The following MCTP2 variants were observed in gnomAD, a reference collection of about 807,000 sequenced individuals.
MCTP2 encodes multiple C2 and transmembrane domain-containing protein 2.
MCTP2 carries 132 observed loss-of-function variants against 111.6 expected under a neutral mutation model. The observed-to-expected ratio is 1.18, with a 90% CI of 1.03 to 1.37. The LOEUF (loss-of-function observed/expected upper bound fraction) is 1.37. Among genes scored for constraint, MCTP2 ranks in the 40% most tolerant of loss-of-function variants. MCTP2 has a pLI of 0.00. For missense variants in MCTP2, 1,183 were observed against 1,067.9 expected, an observed-to-expected ratio of 1.11 and a Z score of -1.50; for synonymous variants, 395 against 387.7, an observed-to-expected ratio of 1.02 and a Z score of -0.22.
chr15:94,256,841 TCTC>T (rs576947406), intron 1 of MCTP2, among the ~76,000 whole-genome samples: 421 of 152,178 alleles, frequency 2.8e-3, no homozygotes, highest in Admixed American at 6.5e-3. Context: ...CTTTGATACT[TCTC>T]CTTCCTTCCA....
chr15:94,411,040 C>T (rs2082130378), intron 17 of MCTP2, among the ~76,000 whole-genome samples: 1 of 152,176 alleles, frequency 6.6e-6, no homozygotes, highest in South Asian at 2.1e-4. Flanking sequence ...CCATCACAGC[C>T]CCTGAATCTG....
chr15:94,437,311 A>G (rs139614830), intron 17 of MCTP2, among the ~76,000 whole-genome samples: 2 of 152,134 alleles, frequency 1.3e-5, no homozygotes, highest in East Asian at 3.9e-4. Flanking sequence ...TACAGCTAAT[A>G]AGAGGTGAAT....
At chr15:94,300,298 A>G (rs1318965846) in intron 2 of MCTP2, among the ~76,000 whole-genome samples, 2 of 151,986 alleles carry the variant, frequency 1.3e-5, no homozygotes, top group Non-Finnish European at 2.9e-5. Context: ...TCACGAGGTC[A>G]GGAGATTGAG....
intron 3 of MCTP2, chr15:94,314,810 T>C (rs1490244709): frequency 2.2e-6 from 1 of 454,126 alleles, no homozygotes; most frequent in East Asian, 6.9e-5. Context: ...TTCTACAATA[T>C]GGCCAGCAGG....
At chr15:94,447,859 A>G (rs996618993) in intron 19 of MCTP2, among the ~76,000 whole-genome samples, 5 of 152,252 alleles carry the variant, frequency 3.3e-5, no homozygotes, top group African/African-American at 9.6e-5. Flanking sequence ...ACCTTCAGGG[A>G]TATACAATTT....
chr15:94,384,348 C>G (rs957910883), intron 13 of MCTP2, among the ~76,000 whole-genome samples: 4 of 152,048 alleles, frequency 2.6e-5, no homozygotes, highest in African/African-American at 9.7e-5. Flanking sequence ...TAAAGTAGAT[C>G]TTTTAGTGAC....
intron 4 of MCTP2, among the ~76,000 whole-genome samples, chr15:94,324,370 C>T (rs1236213729): frequency 6.6e-6 from 1 of 152,210 alleles, no homozygotes; most frequent in African/African-American, 2.4e-5. Flanking sequence ...AGTAGTTTAC[C>T]ACTGTGGGCT....
At chr15:94,471,260 C>T (rs527473251) in intron 21 of MCTP2, among the ~76,000 whole-genome samples, 4 of 152,060 alleles carry the variant, frequency 2.6e-5, no homozygotes, top group Non-Finnish European at 5.9e-5. Flanking sequence ...CTATGACTGC[C>T]GATGAATTCT....
intron 20 of MCTP2, among the ~76,000 whole-genome samples, chr15:94,464,271 A>ATAATATATATATATATAATATATATATAT: frequency 9.5e-6 from 1 of 105,208 alleles, no homozygotes; most frequent in African/African-American, 3.1e-5. Context: ...ATATATATAT[A>ATAATATATATATATATAATATATATATAT]TATATATAAA....
intron 8 of MCTP2, among the ~76,000 whole-genome samples, chr15:94,350,435 A>G (rs893439421): frequency 1.3e-5 from 2 of 152,136 alleles, no homozygotes; most frequent in Non-Finnish European, 2.9e-5. Flanking sequence ...TAAAAATACA[A>G]AAAATACTCC....
intron 1 of MCTP2, among the ~76,000 whole-genome samples, chr15:94,279,235 C>G (rs991823676): frequency 2.6e-5 from 4 of 152,070 alleles, no homozygotes; most frequent in African/African-American, 9.7e-5. Flanking sequence ...AATAGTGATT[C>G]CTCCAATTCA....
intron 2 of MCTP2, among the ~76,000 whole-genome samples, chr15:94,311,715 A>G (rs768001227): frequency 2.6e-5 from 4 of 152,188 alleles, no homozygotes; most frequent in Non-Finnish European, 5.9e-5. Context: ...TGTTGAATTA[A>G]TGTCATTGCT....
At chr15:94,442,518 C>G (rs1307721374) in intron 18 of MCTP2, among the ~76,000 whole-genome samples, 1 of 152,140 alleles carries the variant, frequency 6.6e-6, no homozygotes, top group East Asian at 1.9e-4. Context: ...TCAGTAATGG[C>G]CCCAAAGGGA....
At chr15:94,266,479 C>CAAATAAGTAA (rs112567836) in intron 1 of MCTP2, among the ~76,000 whole-genome samples, 4,124 of 152,138 alleles carry the variant, frequency 0.027, 184 homozygotes, top group African/African-American at 0.094. Context: ...TAAATATTGC[C>CAAATAAGTAA]AAATAAGTAA....
chr15:94,328,281 A>C (rs764204382), intron 4 of MCTP2, among the ~76,000 whole-genome samples: 4 of 151,742 alleles, frequency 2.6e-5, no homozygotes, highest in Non-Finnish European at 4.4e-5. Context: ...GGTGCCCGCC[A>C]CCACGCCCGG....
chr15:94,418,126 CGTAA>C (rs2082458897), intron 17 of MCTP2, among the ~76,000 whole-genome samples: 1 of 152,012 alleles, frequency 6.6e-6, no homozygotes, highest in African/African-American at 2.4e-5. Flanking sequence ...AGGAGTAAGT[CGTAA>C]GTGTTATGTT....
At chr15:94,405,151 C>T (rs1427354804) in intron 17 of MCTP2, among the ~76,000 whole-genome samples, 1 of 152,198 alleles carries the variant, frequency 6.6e-6, no homozygotes, top group Non-Finnish European at 1.5e-5. Flanking sequence ...TTTAGTTGAA[C>T]CAGTCCCTGG....
chr15:94,386,215 GTGATATA>G (rs1197200291), intron 14 of MCTP2, among the ~76,000 whole-genome samples: 2 of 152,144 alleles, frequency 1.3e-5, no homozygotes, highest in African/African-American at 2.4e-5. Flanking sequence ...TAATTAGACA[GTGATATA>G]TGTACCAAAC....
chr15:94,446,794 A>G (rs1347460362), intron 19 of MCTP2, among the ~76,000 whole-genome samples: 3 of 152,230 alleles, frequency 2.0e-5, no homozygotes, highest in Non-Finnish European at 4.4e-5. Flanking sequence ...GGTTGTCAGA[A>G]ACAGGACTTG....
Sources: gnomAD v4.1 joint callset for allele counts (sites outside exome capture counted in the v4.1 genomes callset) on GRCh38, gnomAD v4.1.1 for gene constraint, MANE v1.5 for transcripts, NCBI Gene and HGNC (gene_info 2026-07-23, HGNC 2026-07-21) for gene names.